The following INPP5F variants were observed in gnomAD, a reference collection of about 807,000 sequenced individuals.
INPP5F encodes the protein phosphatidylinositide 4-phosphatase SAC2.
Under a neutral mutation model 137.2 loss-of-function variants are expected in INPP5F, and 97 were observed. The ratio of observed to expected loss-of-function variants is 0.71; its 90% CI spans 0.60 to 0.84. The LOEUF is 0.84. Ranked by LOEUF, INPP5F falls within the 40% of genes least tolerant of loss-of-function variation. INPP5F has a pLI of 0.00. For missense variants in INPP5F, 1,271 were observed against 1,371.9 expected, an observed-to-expected ratio of 0.93 and a Z score of 1.16; for synonymous variants, 504 against 476.9, an observed-to-expected ratio of 1.06 and a Z score of -0.74.
chr10:119,748,375 G>A lies in INPP5F; in HGVS notation c.98-2701G>A, dbSNP rs768522935. Among the ~76,000 whole-genome samples the A allele has an allele frequency of 2.0e-5, 3 of 152,226 alleles. No homozygotes were observed. The highest frequency in any genetic ancestry group is 4.4e-5 in the Non-Finnish European group (3 of 68,044). ...CTAGGTCTGGTGTTCCCGAAGGGCC[G>A]CAGCCCTTTCCTCCTTGTTGCCCAC... On this transcript the variant is annotated intron_variant, in intron 1 of 19. Transcript: ENST00000650623. The surrounding 1 kb of genome is among the most constrained non-coding windows in gnomAD (Gnocchi z 4.7).
chr10:119,768,076 T>C (rs373346311), intron 2 of INPP5F, among the ~76,000 whole-genome samples: 3 of 152,242 alleles, frequency 2.0e-5, no homozygotes, highest in Non-Finnish European at 4.4e-5. Context: ...TCCTCTGATG[T>C]ATCCAGTGCA....
At position 119,819,198 on chromosome 10, in the gene INPP5F, T is replaced by G. The variant is rs559057781; in HGVS notation, c.1887-1648T>G. 622 of 233,706 alleles carry G rather than the reference T, an allele frequency of 2.7e-3. 5 individuals are homozygous for G. The highest frequency in any genetic ancestry group is 3.8e-3 in the Non-Finnish European group (515 of 134,054). The allele number at this position is 233,706 out of a possible 1,614,324, so 14.5% of individuals were successfully genotyped here. A position where few individuals can be genotyped will look rare whatever the true frequency, so the allele number is the denominator to read the frequency against. On this transcript the variant is annotated intron_variant, in intron 15 of 19. Coordinates refer to ENST00000650623, the MANE Select transcript of INPP5F (RefSeq NM_014937.4). ...ATACCTAAAGGGTTTTTGTCTTGTT[T>G]CTTGTTCGTATTGAACGTGCTTTTT...
At chr10:119,752,836 T>A (rs769111308) in intron 2 of INPP5F, among the ~76,000 whole-genome samples, 1 of 152,110 alleles carries the variant, frequency 6.6e-6, no homozygotes, top group Non-Finnish European at 1.5e-5. Flanking sequence ...TATTTATATT[T>A]TTGAGATTTA....
At chr10:119,789,005 C>G (rs992544009) in intron 3 of INPP5F, among the ~76,000 whole-genome samples, 1 of 152,082 alleles carries the variant, frequency 6.6e-6, no homozygotes, top group East Asian at 1.9e-4. Flanking sequence ...GCGGGCAGAT[C>G]ATGTGAGGTT....
chr10:119,811,717 T>C (rs754084121), intron 14 of INPP5F, 40 bp from the exon 15 acceptor site: 4 of 1,490,436 alleles, frequency 2.7e-6, no homozygotes, highest in Non-Finnish European at 3.7e-6. Flanking sequence ...AATATATTAG[T>C]AAACTAAAAT....
intron 2 of INPP5F, among the ~76,000 whole-genome samples, chr10:119,771,208 A>G (rs196200): frequency 0.35 from 53,152 of 151,990 alleles, 9,679 homozygotes; most frequent in South Asian, 0.46. Flanking sequence ...AAATCATACA[A>G]TATGTGCACC....
At chr10:119,808,279 T>C (rs1358003275) in intron 13 of INPP5F, among the ~76,000 whole-genome samples, 1 of 152,160 alleles carries the variant, frequency 6.6e-6, no homozygotes. Context: ...GAGGAGTGTG[T>C]GCTCTCTCTG....
chr10:119,805,123 TATTGAA>T (rs957568919), intron 10 of INPP5F, among the ~76,000 whole-genome samples: 3 of 152,214 alleles, frequency 2.0e-5, no homozygotes, highest in African/African-American at 7.2e-5. Flanking sequence ...TTTACCTAAG[TATTGAA>T]ATTTGGTGGG....
At chr10:119,761,097 T>C (rs974676063) in intron 2 of INPP5F, among the ~76,000 whole-genome samples, 7 of 152,224 alleles carry the variant, frequency 4.6e-5, no homozygotes, top group Admixed American at 3.9e-4. Context: ...TAGAGTATAA[T>C]AGATTATTTC....
At chr10:119,759,855 A>T (rs985832109) in intron 2 of INPP5F, among the ~76,000 whole-genome samples, 2 of 152,020 alleles carry the variant, frequency 1.3e-5, no homozygotes, top group Admixed American at 1.3e-4. Flanking sequence ...TTCTCTCCTC[A>T]GGTACCTAGA....
chr10:119,775,167 T>C (rs1849482493), intron 2 of INPP5F, among the ~76,000 whole-genome samples: 1 of 152,166 alleles, frequency 6.6e-6, no homozygotes. Flanking sequence ...GAAAAATCAA[T>C]CAAAGAAAAA....
chr10:119,771,999 G>C (rs550016085), intron 2 of INPP5F, among the ~76,000 whole-genome samples: 2 of 141,816 alleles, frequency 1.4e-5, no homozygotes, highest in Non-Finnish European at 3.0e-5. Flanking sequence ...GGGTTCACAC[G>C]CCATTCTCCT....
intron 1 of INPP5F, among the ~76,000 whole-genome samples, chr10:119,745,319 GT>G (rs1490226468): frequency 4.0e-5 from 6 of 149,702 alleles, no homozygotes; most frequent in Admixed American, 2.0e-4. Context: ...TTCTTTTTTT[GT>G]TTTTTGTTTT....
At position 119,781,726 on chromosome 10, in the gene INPP5F, T is replaced by C; in HGVS notation, c.270T>C (p.Ala90=). 6.2e-7 allele frequency: 1 copy of C among 1,611,872 alleles called. No homozygotes were observed. Among genetic ancestry groups the C allele is most frequent in the Non-Finnish European group, 8.5e-7 (1 of 1,178,332 alleles). The change falls in exon 3 of 20, where the codon GCT becomes GCC. Residue 90 remains alanine (A), a synonymous_variant. Coordinates refer to ENST00000650623, the MANE Select transcript of INPP5F (RefSeq NM_014937.4). ...AGGTCTGTAAAGTTACCAAAATTGC[T>C]GTGCTCTCACTTTCTGAAATGGAAC... ...DHEVCKVTKI[A]VLSLSEMEPQ...
At chr10:119,757,216 A>G (rs923528642) in intron 2 of INPP5F, among the ~76,000 whole-genome samples, 2 of 152,002 alleles carry the variant, frequency 1.3e-5, no homozygotes, top group Non-Finnish European at 2.9e-5. Flanking sequence ...CTGGGATTAC[A>G]GGCATGCGTC....
intron 1 of INPP5F, among the ~76,000 whole-genome samples, chr10:119,728,289 A>G (rs1347267071): frequency 6.6e-6 from 1 of 152,238 alleles, no homozygotes; most frequent in Non-Finnish European, 1.5e-5. Context: ...TAGCCAGGGA[A>G]TAAAGAATCC....
intron 3 of INPP5F, 126 bp downstream of exon 3, chr10:119,781,897 T>C (rs1031361420): frequency 8.8e-6 from 7 of 795,028 alleles, no homozygotes; most frequent in African/African-American, 8.7e-5. Context: ...AATAATTTAA[T>C]CCTAAGATTT....
chr10:119,821,278 TATTAA>T (rs1297298773), intron 16 of INPP5F, among the ~76,000 whole-genome samples: 1 of 152,218 alleles, frequency 6.6e-6, no homozygotes, highest in East Asian at 1.9e-4. Context: ...CACTGTTAGG[TATTAA>T]ATTACTTACA....
At chr10:119,801,899 A>G (rs1231273687) in intron 9 of INPP5F, among the ~76,000 whole-genome samples, 4 of 152,206 alleles carry the variant, frequency 2.6e-5, no homozygotes, top group African/African-American at 4.8e-5. Context: ...TGACATTCAC[A>G]TCAATTTTCT....
Sources: gnomAD v4.1 joint callset for allele counts (sites outside exome capture counted in the v4.1 genomes callset) on GRCh38, gnomAD v4.1.1 for gene constraint, Gnocchi (gnomAD v3.1) non-coding constraint, MANE v1.5 for transcripts, NCBI Gene and HGNC (gene_info 2026-07-23, HGNC 2026-07-21) for gene names.